KMT2C: variants seen among roughly 807,000 people sequenced by gnomAD.
KMT2C encodes the protein lysine methyltransferase 2C, also known as histone-lysine N-methyltransferase 2C.
In KMT2C, 88 loss-of-function variants were observed where a neutral mutation model predicts 507.9. That is an observed-to-expected ratio of 0.17 (90% confidence interval 0.15 to 0.21). The LOEUF (loss-of-function observed/expected upper bound fraction) is 0.21, where lower values mean the gene tolerates loss of function less well. Among genes scored for constraint, KMT2C ranks in the 10% least tolerant of loss-of-function variants. The pLI, the probability that KMT2C is intolerant of heterozygous loss-of-function variation, is 1.00. For missense variants in KMT2C, 4,954 were observed against 5,957.8 expected, an observed-to-expected ratio of 0.83 and a Z score of 5.55; for synonymous variants, 2,049 against 2,080.8, an observed-to-expected ratio of 0.98 and a Z score of 0.42.
chr7:152,234,190 C>T (rs866435433), intron 16 of KMT2C, among the ~76,000 whole-genome samples: 4 of 151,714 alleles, frequency 2.6e-5, no homozygotes, highest in Non-Finnish European at 5.9e-5. Flanking sequence ...CCAGCCTGGC[C>T]AACATGGTGA....
chr7:152,378,852 G>A (rs1042108730), intron 1 of KMT2C, among the ~76,000 whole-genome samples: 2 of 152,134 alleles, frequency 1.3e-5, no homozygotes, highest in African/African-American at 4.8e-5. Flanking sequence ...AGTTTTGGGG[G>A]TGCTGTATCT....
chr7:152,255,546 T>C (rs1160482711), intron 9 of KMT2C, among the ~76,000 whole-genome samples: 1 of 151,956 alleles, frequency 6.6e-6, no homozygotes, highest in Non-Finnish European at 1.5e-5. Context: ...CTAAAGTTTA[T>C]ACAGAAAAAC....
intron 6 of KMT2C, among the ~76,000 whole-genome samples, chr7:152,291,261 T>C (rs977190076): frequency 1.1e-4 from 16 of 152,274 alleles, no homozygotes; most frequent in African/African-American, 9.6e-5. Context: ...AATTGCTATG[T>C]AGAATGGCAA....
intron 2 of KMT2C, among the ~76,000 whole-genome samples, chr7:152,350,472 T>C (rs970435598): frequency 9.9e-5 from 15 of 152,192 alleles, no homozygotes; most frequent in Non-Finnish European, 2.1e-4. Context: ...GGCTATTTGG[T>C]ACAGCCTAGT....
intron 10 of KMT2C, among the ~76,000 whole-genome samples, 157 bp downstream of exon 10, chr7:152,252,387 TGA>T (rs1053000205): frequency 1.6e-4 from 24 of 152,224 alleles, no homozygotes; most frequent in Admixed American, 1.6e-3. Context: ...CTTATGCCTT[TGA>T]GACTCAAAAA....
intron 6 of KMT2C, among the ~76,000 whole-genome samples, chr7:152,286,058 G>A (rs376613179): frequency 6.6e-6 from 1 of 152,422 alleles, no homozygotes; most frequent in African/African-American, 2.4e-5. Flanking sequence ...GGCTTAACAA[G>A]AGATTGGTAG....
At position 152,195,996 on chromosome 7, in the gene KMT2C, G is replaced by A; in HGVS notation, c.4289C>T (p.Pro1430Leu). The A allele has an allele frequency of 6.3e-7, 1 of 1,599,990 alleles. No individual in the cohort carries two copies. The highest frequency in any genetic ancestry group is 1.7e-5 in the Admixed American group (1 of 59,304). ...KSGTHGPADD[P>L]LADISEVLNT... ...TAAAACTTCAGAAATATCAGCTAAT[G>A]GGTCATCAGCAGGACCTAAATATAG... is the stretch of plus-strand genomic sequence containing the variant. Residue 1430 changes from proline to leucine, a missense_variant, in exon 28 of 59, where the codon CCA (proline) becomes CTA (leucine). Physicochemically the swap from Pro to Leu is moderately conservative, Grantham distance 98 (BLOSUM62 -3). Around this residue, in one of 29 missense-constraint regions of KMT2C, gnomAD observed 140 missense variants for 118.4 expected, o/e 1.18. Transcript: ENST00000262189.
rs145667670 is a variant in KMT2C at position 152,261,932 on chromosome 7, G to A, written c.1299+1084C>T. On this transcript the variant is annotated intron_variant, in intron 9 of 58. Coordinates refer to ENST00000262189, the MANE Select transcript of KMT2C (RefSeq NM_170606.3). ...TTCAGCCCTCAGACCCCACTTCCCA[G>A]GTAGCCACAGCTGAGCACAGTTACC... 1.3e-3 allele frequency among the ~76,000 whole-genome samples: 197 copies of A among 146,650 alleles called. 2 individuals carry two copies. The East Asian group carries it at 0.036, about 27-fold the overall frequency.
chr7:152,180,197 T>C (rs1183978772), intron 36 of KMT2C, 71 bp from the exon 37 acceptor site: 2 of 1,487,364 alleles, frequency 1.3e-6, no homozygotes, highest in Non-Finnish European at 1.9e-6. Context: ...ACTGGCTTTT[T>C]ATTTTTAGAT....
intron 2 of KMT2C, among the ~76,000 whole-genome samples, chr7:152,357,276 G>A (rs2097160033): frequency 6.6e-6 from 1 of 152,088 alleles, no homozygotes; most frequent in African/African-American, 2.4e-5. Flanking sequence ...TGTAATCCCA[G>A]CACTTTGGGA....
intron 2 of KMT2C, among the ~76,000 whole-genome samples, chr7:152,344,003 AC>A (rs2097026321): frequency 6.6e-6 from 1 of 151,688 alleles, no homozygotes; most frequent in Non-Finnish European, 1.5e-5. Flanking sequence ...TTAAAAAAAA[AC>A]TTTTTTCTTA....
chr7:152,203,839 C>T (rs1486539299), intron 25 of KMT2C, among the ~76,000 whole-genome samples: 1 of 151,946 alleles, frequency 6.6e-6, no homozygotes, highest in Non-Finnish European at 1.5e-5. Flanking sequence ...TTTAAAGGCA[C>T]CAGTAACCTA....
chr7:152,404,905 C>G (rs1340331220), intron 1 of KMT2C, among the ~76,000 whole-genome samples: 2 of 152,206 alleles, frequency 1.3e-5, no homozygotes, highest in African/African-American at 4.8e-5. Context: ...GTTTGGAGTA[C>G]AGTGGCACAA....
intron 1 of KMT2C, among the ~76,000 whole-genome samples, chr7:152,421,080 A>C (rs867500103): frequency 1.4e-4 from 22 of 152,226 alleles, no homozygotes; most frequent in African/African-American, 5.3e-4. Flanking sequence ...AAAAATGGGC[A>C]AAGGGCATGA....
Position 152,176,457 on chromosome 7 carries a change from G to T in KMT2C, c.8996C>A (p.Thr2999Lys), listed in dbSNP as rs759124438. 5 of 1,614,034 alleles carry T rather than the reference G, an allele frequency of 3.1e-6. No homozygotes were observed. The African/African-American group carries it at 5.3e-5, about 17-fold the overall frequency. ...VNPGLIPGQS[T>K]VNHSLGTGKP... ...TCCTGTCCCCAGACTGTGGTTAACTGTTGATTGACCTGGAATGAGCCCTGG... is the reference window on the plus strand; with the variant it reads ...TCCTGTCCCCAGACTGTGGTTAACTTTTGATTGACCTGGAATGAGCCCTGG... Residue 2999 changes from threonine to lysine, a missense_variant, in exon 38 of 59, where the codon ACA becomes AAA. Thr to Lys is a moderately conservative substitution (Grantham distance 78, BLOSUM62 -1). Transcript: ENST00000262189.
rs1328391539 is a variant in KMT2C at position 152,301,664 on chromosome 7, A to G, written c.849+8302T>C. On this transcript the variant is annotated intron_variant, in intron 6 of 58. Coordinates refer to ENST00000262189, the MANE Select transcript of KMT2C (RefSeq NM_170606.3). The stretch of plus-strand genomic sequence containing the variant: ...ATCGTGCCACTGCATTCCAGCTTAA[A>G]CAACTGAGATGCTATCTCTTAAAAA... Among the ~76,000 whole-genome samples, 13 of 152,212 alleles carry G rather than the reference A, an allele frequency of 8.5e-5. 1 individual carries two copies. The highest frequency in any genetic ancestry group is 8.5e-4 in the Admixed American group (13 of 15,270).
chr7:152,144,126 AGTAAGAGCTTT>A lies in KMT2C; in HGVS notation c.14343+576_14343+586del, dbSNP rs2090874125. ...TTTAGGAGCTGGACAAGTTTGACAA[AGTAAGAGCTTT>A]GTAATTCCATTCTGAGACATCCAAG... On this transcript the variant is annotated intron_variant, in intron 55 of 58. Coordinates refer to ENST00000262189, the MANE Select transcript of KMT2C (RefSeq NM_170606.3). This position sits in a 1 kb window ranked among gnomAD's most constrained non-coding sequence, Gnocchi z 4.4. 6.6e-6 allele frequency among the ~76,000 whole-genome samples: 1 copy of A among 152,228 alleles called. No individual in the cohort carries two copies. The highest frequency in any genetic ancestry group is 1.5e-5 in the Non-Finnish European group (1 of 68,038).
chr7:152,320,155 T>C (rs1158457998), intron 3 of KMT2C, among the ~76,000 whole-genome samples: 3 of 152,188 alleles, frequency 2.0e-5, no homozygotes, highest in Non-Finnish European at 4.4e-5. Context: ...TGTTTATACA[T>C]GTCTCCCATC....
At chr7:152,200,415 T>G (rs890042137) in intron 26 of KMT2C, among the ~76,000 whole-genome samples, 1 of 152,200 alleles carries the variant, frequency 6.6e-6, no homozygotes, top group African/African-American at 2.4e-5. Context: ...GAAAGTAAGT[T>G]GAATTACACA....
Sources: gnomAD v4.1 joint callset for allele counts (sites outside exome capture counted in the v4.1 genomes callset) on GRCh38, gnomAD v4.1.1 for gene constraint, gnomAD v4.1.1 regional missense constraint, Gnocchi (gnomAD v3.1) non-coding constraint, MANE v1.5 for transcripts, NCBI Gene and HGNC (gene_info 2026-07-23, HGNC 2026-07-21) for gene names.